Variants in NLGN1 observed in about 807,000 individuals in gnomAD.
The protein encoded by NLGN1 is neuroligin-1.
In NLGN1, 12 loss-of-function variants were observed where a neutral mutation model predicts 65.5. That is an observed-to-expected ratio of 0.18 (90% CI 0.12 to 0.30). NLGN1 has a LOEUF of 0.30. Ranked by LOEUF, NLGN1 falls within the 10% of genes least tolerant of loss-of-function variation. NLGN1 has a pLI of 1.00. For missense variants in NLGN1, 750 were observed against 1,007.1 expected (o/e 0.74, Z 3.46); for synonymous variants, 350 against 359.5 (o/e 0.97, Z 0.30).
chr3:174,183,229 G>A (rs1331097225), intron 4 of NLGN1, among the ~76,000 whole-genome samples: 2 of 151,990 alleles, frequency 1.3e-5, no homozygotes, highest in Non-Finnish European at 2.9e-5. Context: ...TCCTCCACAG[G>A]GCCTGCCTTC....
chr3:173,731,265 A>T (rs1175628217), intron 3 of NLGN1, among the ~76,000 whole-genome samples: 1 of 152,170 alleles, frequency 6.6e-6, no homozygotes, highest in Non-Finnish European at 1.5e-5. Context: ...TTAATTAAAC[A>T]TGACCATGAA....
chr3:173,830,761 C>T (rs1722375091), intron 4 of NLGN1, among the ~76,000 whole-genome samples: 2 of 152,080 alleles, frequency 1.3e-5, no homozygotes, highest in Non-Finnish European at 2.9e-5. Flanking sequence ...ATAAATAATA[C>T]TAATGATGAA....
At chr3:173,820,635 AAC>A (rs1374712650) in intron 4 of NLGN1, among the ~76,000 whole-genome samples, 1 of 152,202 alleles carries the variant, frequency 6.6e-6, no homozygotes, top group African/African-American at 2.4e-5. Flanking sequence ...ATAATAATAA[AAC>A]AGAGCAATTA....
chr3:174,081,617 G>A (rs969202639), intron 4 of NLGN1, among the ~76,000 whole-genome samples: 30 of 66,418 alleles, frequency 4.5e-4, no homozygotes, highest in African/African-American at 1.6e-3. Flanking sequence ...TTTTTTTTTT[G>A]AGACAGAGTT....
intron 3 of NLGN1, among the ~76,000 whole-genome samples, chr3:173,680,596 A>T (rs957107135): frequency 9.9e-5 from 15 of 152,196 alleles, no homozygotes; most frequent in African/African-American, 3.4e-4. Context: ...CTGGGTGTCA[A>T]GTAGCAAGAT....
chr3:173,432,627 C>A (rs1312185068), intron 1 of NLGN1, among the ~76,000 whole-genome samples: 1 of 151,984 alleles, frequency 6.6e-6, no homozygotes, highest in Non-Finnish European at 1.5e-5. Flanking sequence ...TTGGATGAAT[C>A]TTTTATCAGA....
At chr3:173,486,719 C>T (rs901117098) in intron 2 of NLGN1, among the ~76,000 whole-genome samples, 9 of 152,220 alleles carry the variant, frequency 5.9e-5, no homozygotes, top group Non-Finnish European at 1.3e-4. Context: ...TCCTTCCACA[C>T]TCCTGACTAT....
At chr3:173,546,128 GAAGCCCTGATGGAAAGGAGTTCA>G (rs1739788386) in intron 2 of NLGN1, among the ~76,000 whole-genome samples, 1 of 152,138 alleles carries the variant, frequency 6.6e-6, no homozygotes, top group African/African-American at 2.4e-5. Context: ...TCAAAGATAT[GAAGCCCTGATGGAAAGGAGTTCA>G]AATATATACA....
At chr3:173,415,943 A>C (rs62290045) in intron 1 of NLGN1, among the ~76,000 whole-genome samples, 16,547 of 141,262 alleles carry the variant, frequency 0.12, 1,224 homozygotes, top group Middle Eastern at 0.17. Flanking sequence ...AGAGAGAGAG[A>C]GCTTGGTATA....
chr3:173,813,540 G>A (rs1313035635), intron 4 of NLGN1, among the ~76,000 whole-genome samples: 3 of 152,166 alleles, frequency 2.0e-5, no homozygotes, highest in Admixed American at 2.0e-4. Context: ...TTGAAGGAAA[G>A]GGAGAAAGAC....
At chr3:173,998,737 C>T (rs544904589) in intron 4 of NLGN1, among the ~76,000 whole-genome samples, 1 of 152,220 alleles carries the variant, frequency 6.6e-6, no homozygotes, top group East Asian at 1.9e-4. Context: ...GGGAGTCACT[C>T]CCTGTTCTAT....
intron 4 of NLGN1, among the ~76,000 whole-genome samples, chr3:173,885,914 A>G (rs1244341939): frequency 5.9e-5 from 9 of 152,150 alleles, no homozygotes; most frequent in Non-Finnish European, 1.2e-4. Context: ...CATTATGAAA[A>G]ACACAACTAT....
intron 4 of NLGN1, among the ~76,000 whole-genome samples, chr3:173,897,050 G>A (rs1225027653): frequency 6.6e-6 from 1 of 152,118 alleles, no homozygotes. Flanking sequence ...TTCTTTGTCA[G>A]AACCAGTGTT....
intron 2 of NLGN1, among the ~76,000 whole-genome samples, chr3:173,602,390 A>G (rs1184145085): frequency 1.3e-5 from 2 of 152,034 alleles, no homozygotes; most frequent in Non-Finnish European, 2.9e-5. Context: ...TCAATACTAT[A>G]GTTCTCCAAA....
At chr3:173,968,685 A>ATTTTTTTT (rs1560744579) in intron 4 of NLGN1, among the ~76,000 whole-genome samples, 1 of 136,008 alleles carries the variant, frequency 7.4e-6, no homozygotes, top group African/African-American at 2.9e-5. Flanking sequence ...ACTGAAAATA[A>ATTTTTTTT]TCTTTTTTTT....
At chr3:174,101,886 A>C (rs1370458489) in intron 4 of NLGN1, among the ~76,000 whole-genome samples, 1 of 152,204 alleles carries the variant, frequency 6.6e-6, no homozygotes, top group Non-Finnish European at 1.5e-5. Context: ...CAAAGAAAAC[A>C]GTGAAGAAAT....
At chr3:174,212,341 G>A (rs1736837618) in intron 4 of NLGN1, among the ~76,000 whole-genome samples, 2 of 152,184 alleles carry the variant, frequency 1.3e-5, no homozygotes, top group South Asian at 2.1e-4. Context: ...CCGGGTTCCC[G>A]CCCGCGCCTC....
chr3:174,166,444 T>C (rs1044806254), intron 4 of NLGN1, among the ~76,000 whole-genome samples: 1 of 152,040 alleles, frequency 6.6e-6, no homozygotes, highest in African/African-American at 2.4e-5. Flanking sequence ...TTTCATCGTT[T>C]ACCCAAACGG....
intron 4 of NLGN1, among the ~76,000 whole-genome samples, chr3:173,952,157 A>G (rs947609967): frequency 1.3e-5 from 2 of 152,212 alleles, no homozygotes; most frequent in Admixed American, 6.5e-5. Flanking sequence ...AACTTCCTGC[A>G]GGTCTGTAGA....
Sources: allele counts gnomAD v4.1 joint callset (sites outside exome capture counted in the v4.1 genomes callset), GRCh38; gene constraint gnomAD v4.1.1; transcripts MANE v1.5; gene names NCBI Gene and HGNC (gene_info 2026-07-23, HGNC 2026-07-21).